The following RAD51B variants were observed in gnomAD, a reference collection of about 807,000 sequenced individuals.
RAD51B encodes the protein DNA repair protein RAD51 homolog 2.
Under a neutral mutation model 42.2 loss-of-function variants are expected in RAD51B, and 38 were observed. The observed-to-expected ratio is 0.90, with a 90% CI of 0.70 to 1.18. The LOEUF (loss-of-function observed/expected upper bound fraction) is 1.18, where lower values mean the gene tolerates loss of function less well. Among genes scored for constraint, RAD51B ranks in the 50% most tolerant of loss-of-function variants. The pLI is 0.00. For synonymous variants in RAD51B, 154 were observed against 145.2 expected (o/e 1.06, Z -0.43); for missense variants, 373 against 400.7 (o/e 0.93, Z 0.59).
chr14:68,073,811 T>C (rs1243798781), intron 7 of RAD51B, among the ~76,000 whole-genome samples: 2 of 152,180 alleles, frequency 1.3e-5, no homozygotes, highest in African/African-American at 4.8e-5. Flanking sequence ...ATGAAATTCT[T>C]GGTTTCAATT....
intron 8 of RAD51B, among the ~76,000 whole-genome samples, chr14:68,329,071 T>G (rs969145934): frequency 6.6e-6 from 1 of 152,178 alleles, no homozygotes; most frequent in African/African-American, 2.4e-5. Flanking sequence ...TGCAGTGGCA[T>G]GATCATAGCA....
At chr14:68,089,149 A>G (rs996302276) in intron 7 of RAD51B, among the ~76,000 whole-genome samples, 16 of 151,980 alleles carry the variant, frequency 1.1e-4, no homozygotes, top group East Asian at 3.9e-4. Context: ...GAAGCACCCA[A>G]TTCTCTGGAG....
intron 10 of RAD51B, among the ~76,000 whole-genome samples, chr14:68,486,205 T>G (rs1022577034): frequency 6.6e-6 from 1 of 152,246 alleles, no homozygotes; most frequent in African/African-American, 2.4e-5. Context: ...GGTCAAACTT[T>G]GTCCTGTGAC....
intron 10 of RAD51B, among the ~76,000 whole-genome samples, chr14:68,571,645 C>T (rs1406485230): frequency 2.0e-5 from 3 of 152,190 alleles, no homozygotes; most frequent in African/African-American, 7.2e-5. Flanking sequence ...TAACTAACAG[C>T]CTTAATTCCC....
intron 7 of RAD51B, among the ~76,000 whole-genome samples, chr14:68,050,231 TCCTTTC>T (rs1445217560): frequency 6.6e-6 from 1 of 151,936 alleles, no homozygotes; most frequent in Non-Finnish European, 1.5e-5. Context: ...CTTATTCCTT[TCCTTTC>T]CCTTTCCCTT....
chr14:68,233,535 C>G (rs2080187942), intron 7 of RAD51B, among the ~76,000 whole-genome samples: 2 of 152,106 alleles, frequency 1.3e-5, no homozygotes, highest in Non-Finnish European at 2.9e-5. Context: ...CATTAAGTAC[C>G]TGAGTATGCT....
In RAD51B at chr14:68,153,717, G is replaced by A. The variant is rs144811205; in HGVS notation, c.757-138167G>A. Among the ~76,000 whole-genome samples the A allele has an allele frequency of 3.8e-3, 572 of 151,876 alleles. 1 individual carries two copies. The highest frequency in any genetic ancestry group is 6.8e-3 in the Middle Eastern group (2 of 294). On this transcript the variant is annotated intron_variant, in intron 7 of 10. Transcript: ENST00000471583. ...TTCATTTACATTTCTTATATATGCC[G>A]GATATTAGACATTTGTCAGATGCAT...
At chr14:67,857,549 A>G (rs1218120530) in intron 4 of RAD51B, among the ~76,000 whole-genome samples, 1 of 152,202 alleles carries the variant, frequency 6.6e-6, no homozygotes, top group Admixed American at 6.5e-5. Context: ...ATATTTCCAA[A>G]TATATCATCT....
chr14:68,642,158 A>T (rs1566962320), intron 10 of RAD51B, among the ~76,000 whole-genome samples: 1 of 152,150 alleles, frequency 6.6e-6, no homozygotes. Context: ...CTATCTTCTG[A>T]AAGAGATTAT....
chr14:68,292,231 T>C (rs1001012416), intron 8 of RAD51B, among the ~76,000 whole-genome samples: 2 of 152,224 alleles, frequency 1.3e-5, no homozygotes, highest in Non-Finnish European at 2.9e-5. Flanking sequence ...TTTCAAGTCC[T>C]TAGTATGAGG....
At chr14:68,164,660 C>T (rs898055737) in intron 7 of RAD51B, among the ~76,000 whole-genome samples, 2 of 152,126 alleles carry the variant, frequency 1.3e-5, no homozygotes, top group Non-Finnish European at 1.5e-5. Context: ...AGTGGGAAAA[C>T]AGCTTTGGAA....
intron 7 of RAD51B, among the ~76,000 whole-genome samples, chr14:68,189,262 T>A (rs982055381): frequency 2.0e-5 from 3 of 152,166 alleles, no homozygotes; most frequent in Non-Finnish European, 2.9e-5. Flanking sequence ...AATATTTTAG[T>A]CATTCTTATA....
chr14:68,120,104 G>C (rs996704400), intron 7 of RAD51B, among the ~76,000 whole-genome samples: 13 of 152,200 alleles, frequency 8.5e-5, no homozygotes, highest in African/African-American at 3.1e-4. Context: ...TTTTTTGGCT[G>C]CATAAATGTC....
chr14:67,925,464 G>T (rs750321118), intron 7 of RAD51B, among the ~76,000 whole-genome samples: 1 of 152,038 alleles, frequency 6.6e-6, no homozygotes, highest in African/African-American at 2.4e-5. Flanking sequence ...GTAGAGACGG[G>T]GTTTCACCAT....
downstream of RAD51B, among the ~76,000 whole-genome samples, chr14:68,596,604 C>T (rs1891009228): frequency 6.6e-6 from 1 of 152,042 alleles, no homozygotes. Context: ...AATGAGTGGA[C>T]GAAGGGAGTA....
intron 7 of RAD51B, among the ~76,000 whole-genome samples, chr14:67,900,598 TTGTG>T (rs142144274): frequency 0.018 from 2,538 of 142,168 alleles, 56 homozygotes; most frequent in Admixed American, 0.044. Context: ...TTCTTTCAGT[TTGTG>T]TGTGTGTGTG....
chr14:68,417,463 C>T (rs910696701), intron 9 of RAD51B, among the ~76,000 whole-genome samples: 6 of 152,176 alleles, frequency 3.9e-5, no homozygotes, highest in Non-Finnish European at 8.8e-5. Flanking sequence ...CAAGCCCCTG[C>T]CCACACTCTT....
chr14:68,017,128 CA>C (rs2140341572), intron 7 of RAD51B, among the ~76,000 whole-genome samples: 1 of 152,120 alleles, frequency 6.6e-6, no homozygotes, highest in East Asian at 1.9e-4. Context: ...ATTTTTGTCA[CA>C]AAACCAAATT....
intron 7 of RAD51B, among the ~76,000 whole-genome samples, chr14:68,208,566 CT>C (rs2140940116): frequency 6.6e-6 from 1 of 152,276 alleles, no homozygotes; most frequent in South Asian, 2.1e-4. Context: ...ATTTTAGTTG[CT>C]TTTCTTCACA....
Sources: gnomAD v4.1 joint callset for allele counts (sites outside exome capture counted in the v4.1 genomes callset) on GRCh38, gnomAD v4.1.1 for gene constraint, MANE v1.5 for transcripts, NCBI Gene and HGNC (gene_info 2026-07-23, HGNC 2026-07-21) for gene names.